NUP62: variants seen among roughly 807,000 people sequenced by gnomAD.
The protein encoded by NUP62 is nuclear pore glycoprotein p62.
For synonymous variants in NUP62, 305 were observed against 303.4 expected (o/e 1.01, Z -0.05); for missense variants, 647 against 689.4 (o/e 0.94, Z 0.69).
chr19:49,913,604 T>C lies in NUP62; in HGVS notation c.-77-3720A>G, dbSNP rs575102635. ...TGAGCACTGTCCGCGGGACTCTCTC[T>C]ACCTGCAGAGGAGAGCTGGAAGCTC... On this transcript the variant is annotated intron_variant, in intron 2 of 2. Coordinates refer to ENST00000352066, the MANE Select transcript of NUP62 (RefSeq NM_016553.5). Among the ~76,000 whole-genome samples the C allele has an allele frequency of 2.6e-5, 4 of 152,362 alleles. No homozygotes were observed. The East Asian group carries it at 7.7e-4, about 29-fold the overall frequency.
At chr19:49,916,447 G>A (rs965103259) in intron 2 of NUP62, among the ~76,000 whole-genome samples, 5 of 149,098 alleles carry the variant, frequency 3.4e-5, no homozygotes, top group South Asian at 2.1e-4. Flanking sequence ...TCCGCCTCCC[G>A]GTATCTTTTG....
chr19:49,929,039 C>G (rs2075989525), intron 1 of NUP62: 1 of 152,284 alleles, frequency 6.6e-6, no homozygotes, highest in Admixed American at 6.5e-5. Flanking sequence ...AGGAGGGTCC[C>G]GGACCCTAGG....
intron 2 of NUP62, among the ~76,000 whole-genome samples, chr19:49,914,489 C>A (rs894227736): frequency 6.6e-6 from 1 of 152,162 alleles, no homozygotes; most frequent in Non-Finnish European, 1.5e-5. Context: ...CAGTCCCTTC[C>A]CTTCCTGCCT....
intron 2 of NUP62, among the ~76,000 whole-genome samples, chr19:49,920,035 C>T (rs2075726940): frequency 6.6e-6 from 1 of 152,146 alleles, no homozygotes; most frequent in African/African-American, 2.4e-5. Flanking sequence ...GTGGGCCTCC[C>T]ACCTCAGCCT....
intron 2 of NUP62, among the ~76,000 whole-genome samples, chr19:49,919,371 C>T (rs770565028): frequency 6.6e-6 from 1 of 152,170 alleles, no homozygotes; most frequent in Non-Finnish European, 1.5e-5. Flanking sequence ...ACACAAAAGG[C>T]CGCCTGCTAC....
At chr19:49,912,522 G>A (rs1027417829) in intron 2 of NUP62, among the ~76,000 whole-genome samples, 2 of 152,024 alleles carry the variant, frequency 1.3e-5, no homozygotes. Flanking sequence ...CAGGTGCCAG[G>A]GATCTATTCA....
At position 49,909,559 on chromosome 19, in the gene NUP62, C is replaced by T. The variant is rs780658950; in HGVS notation, c.249G>A (p.Ser83=). ...GFTFGTATLA[S]GGTGFSLGIG... ...TCCCCAAAGAAAATCCAGTTCCCCC[C>T]GAAGCAAGAGTCGCTGTTCCAAAAG... The change falls in exon 3 of 3, where the codon TCG becomes TCA. Residue 83 remains serine, a synonymous_variant. Coordinates refer to ENST00000352066, the MANE Select transcript of NUP62 (RefSeq NM_016553.5). 45 of 1,614,018 alleles carry T rather than the reference C, an allele frequency of 2.8e-5. No homozygotes were observed. Among genetic ancestry groups the T allele is most frequent in the Non-Finnish European group, 3.4e-5 (40 of 1,180,026 alleles).
chr19:49,914,589 ATGCGGAATCATCTGAATTCAGG>A (rs2075569869), intron 2 of NUP62, among the ~76,000 whole-genome samples: 1 of 152,076 alleles, frequency 6.6e-6, no homozygotes, highest in South Asian at 2.1e-4. Context: ...TGGGATTCAG[ATGCGGAATCATCTGAATTCAGG>A]TGGGCATATC....
chr19:49,925,412 T>C (rs2075862231), intron 2 of NUP62, among the ~76,000 whole-genome samples: 2 of 141,254 alleles, frequency 1.4e-5, no homozygotes, highest in Admixed American at 7.3e-5. Flanking sequence ...CTGGGCAACA[T>C]AGTAAGACCC....
intron 1 of NUP62, chr19:49,928,477 A>AC (rs1568728393): frequency 6.6e-6 from 1 of 150,808 alleles, no homozygotes; most frequent in Non-Finnish European, 1.5e-5. Context: ...AGATCGCGCC[A>AC]CTGCACTCCA....
At position 49,908,040 on chromosome 19, in the gene NUP62, G is replaced by T; in HGVS notation, c.*199C>A. The T allele has an allele frequency of 8.3e-7, 1 of 1,199,118 alleles. No homozygotes were observed. Among genetic ancestry groups the T allele is most frequent in the Non-Finnish European group, 1.1e-6 (1 of 884,312 alleles). The allele number at this position is 1,199,118 out of a possible 1,614,324, so 74.3% of individuals were successfully genotyped here. ...AAAGCCACAGAAGCCACACCCATGAGGCTGCTGCCTGGGCAGAAGGCCCAG... is the reference window on the plus strand; with the variant it reads ...AAAGCCACAGAAGCCACACCCATGATGCTGCTGCCTGGGCAGAAGGCCCAG... On this transcript the variant is annotated 3_prime_UTR_variant, in exon 3 of 3. Coordinates refer to ENST00000352066, the MANE Select transcript of NUP62 (RefSeq NM_016553.5).
At position 49,909,128 on chromosome 19, in the gene NUP62, G is replaced by C. The variant is rs1162086212; in HGVS notation, c.680C>G (p.Thr227Ser). The change falls in exon 3 of 3, where the codon ACT (threonine) becomes AGT (serine). Residue 227 changes from threonine (T) to serine (S), a missense_variant. Transcript: ENST00000352066. ...AGTGGTGGCAGATGAGGTTGGAGCAGTTGCTATTGACGCAAAGAGGCTGGG... is the reference window on the plus strand; with the variant it reads ...AGTGGTGGCAGATGAGGTTGGAGCACTTGCTATTGACGCAAAGAGGCTGGG... ...TGPSLFASIA[T>S]APTSSATTGL... 2 of 1,612,510 alleles carry C rather than the reference G, an allele frequency of 1.2e-6. No individual in the cohort carries two copies. The highest frequency in any genetic ancestry group is 3.3e-5 in the Admixed American group (2 of 60,020).
At chr19:49,920,176 G>A (rs985987115) in intron 2 of NUP62, among the ~76,000 whole-genome samples, 6 of 152,054 alleles carry the variant, frequency 3.9e-5, no homozygotes, top group African/African-American at 7.3e-5. Flanking sequence ...TCTGCCTCCC[G>A]GGTTCAAGCT....
rs375297096 is a variant in NUP62 at position 49,909,091 on chromosome 19, G to A, written c.717C>T (p.Leu239=). The A allele has an allele frequency of 8.1e-6, 13 of 1,612,496 alleles. No individual in the cohort carries two copies. The African/African-American group carries it at 1.3e-4, about 17-fold the overall frequency. ...CGCCCGCTGTGGTCACAGGGGTACA[G>A]AGGGAGAGTCCAGTGGTGGCAGATG... ...PTSSATTGLS[L]CTPVTTAGAP... is the part of the protein sequence containing the mutation. Residue 239 remains leucine (L), a synonymous_variant, in exon 3 of 3, where the codon CTC becomes CTT. Transcript: ENST00000352066.
intron 2 of NUP62, among the ~76,000 whole-genome samples, chr19:49,926,364 T>C (rs931071381): frequency 1.3e-5 from 2 of 152,102 alleles, no homozygotes; most frequent in African/African-American, 2.4e-5. Flanking sequence ...ACCCCGTCTC[T>C]ACTAAAAATA....
intron 2 of NUP62, among the ~76,000 whole-genome samples, chr19:49,914,482 T>C (rs1160438389): frequency 6.6e-6 from 1 of 152,130 alleles, no homozygotes; most frequent in African/African-American, 2.4e-5. Context: ...GAGCCGCCAG[T>C]CCCTTCCCTT....
chr19:49,926,803 C>T (rs2075902181), intron 2 of NUP62, among the ~76,000 whole-genome samples: 3 of 151,956 alleles, frequency 2.0e-5, no homozygotes, highest in Admixed American at 2.0e-4. Context: ...AGTCTAACTG[C>T]TCGACACGGA....
intron 2 of NUP62, among the ~76,000 whole-genome samples, chr19:49,914,046 C>T (rs537903763): frequency 2.6e-5 from 4 of 152,262 alleles, no homozygotes; most frequent in Non-Finnish European, 2.9e-5. Flanking sequence ...ACCACAGGGT[C>T]TGTCCAGGTT....
rs2075361896 is a variant in NUP62, at chr19:49,908,014, GAAAGCCACA to G, written c.*216_*224del. ...GAAAAGGGGCCAAAGATACTCAAAT[GAAAGCCACA>G]GAAGCCACACCCATGAGGCTGCTGC... On this transcript the variant is annotated 3_prime_UTR_variant, in exon 3 of 3. Transcript: ENST00000352066. 2.2e-6 allele frequency: 2 copies of G among 910,014 alleles called. No individual in the cohort carries two copies. The highest frequency in any genetic ancestry group is 3.2e-6 in the Non-Finnish European group (2 of 624,516). 56.4% of individuals were successfully genotyped at this position (910,014 alleles called of 1,614,324 possible).
Sources: gnomAD v4.1 joint callset for allele counts (sites outside exome capture counted in the v4.1 genomes callset) on GRCh38, gnomAD v4.1.1 for gene constraint, MANE v1.5 for transcripts, NCBI Gene and HGNC (gene_info 2026-07-23, HGNC 2026-07-21) for gene names.